Variants in ADAMTS17 observed in about 807,000 individuals in gnomAD.
ADAMTS17 encodes the protein ADAM metallopeptidase with thrombospondin type 1 motif 17.
In ADAMTS17, 113 loss-of-function variants were observed where a neutral mutation model predicts 141.5. The observed-to-expected ratio is 0.80, with a 90% CI of 0.69 to 0.93. ADAMTS17 has a LOEUF of 0.93. ADAMTS17 is among the 40% of genes least tolerant of loss of function. The pLI is 0.00. For missense variants in ADAMTS17, 1,659 were observed against 1,517.9 expected (o/e 1.09, Z -1.54); for synonymous variants, 768 against 630.6 (o/e 1.22, Z -3.27).
At chr15:100,088,981 T>G (rs1481534089) in intron 15 of ADAMTS17, among the ~76,000 whole-genome samples, 15 of 151,266 alleles carry the variant, frequency 9.9e-5, no homozygotes, top group Admixed American at 8.6e-4. Context: ...AAGCCAAAAT[T>G]GACAAATGGG....
At chr15:100,059,702 A>G in intron 15 of ADAMTS17, among the ~76,000 whole-genome samples, 1 of 152,126 alleles carries the variant, frequency 6.6e-6, no homozygotes, top group South Asian at 2.1e-4. Context: ...AAATCCAGAG[A>G]GACAATGCAG....
intron 7 of ADAMTS17, among the ~76,000 whole-genome samples, chr15:100,247,858 C>T (rs549856410): frequency 1.4e-4 from 22 of 152,144 alleles, no homozygotes; most frequent in Non-Finnish European, 2.9e-4. Context: ...TGTTCCCAAA[C>T]ACCACCGTCC....
At chr15:100,031,323 T>G (rs2030143472) in intron 18 of ADAMTS17, among the ~76,000 whole-genome samples, 1 of 152,212 alleles carries the variant, frequency 6.6e-6, no homozygotes, top group Non-Finnish European at 1.5e-5. Context: ...GCTTCCAACT[T>G]TAAACAAATC....
intron 2 of ADAMTS17, 106 bp downstream of exon 2, chr15:100,340,933 T>G (rs960333735): frequency 1.4e-6 from 2 of 1,470,570 alleles, no homozygotes; most frequent in Non-Finnish European, 1.8e-6. Context: ...CCGGTTCCCC[T>G]GGAGGCTGGA....
chr15:100,066,265 T>C (rs1355360267), intron 15 of ADAMTS17, among the ~76,000 whole-genome samples: 2 of 151,728 alleles, frequency 1.3e-5, no homozygotes, highest in Non-Finnish European at 2.9e-5. Context: ...AATAAAATGT[T>C]TTTGTGCATC....
intron 13 of ADAMTS17, among the ~76,000 whole-genome samples, chr15:100,115,652 C>T (rs2141140129): frequency 6.6e-6 from 1 of 152,316 alleles, no homozygotes; most frequent in South Asian, 2.1e-4. Flanking sequence ...CACAGCTACG[C>T]ACACCTGAAC....
intron 8 of ADAMTS17, among the ~76,000 whole-genome samples, chr15:100,196,498 G>C (rs1470630630): frequency 2.0e-5 from 3 of 152,244 alleles, no homozygotes; most frequent in Non-Finnish European, 4.4e-5. Flanking sequence ...ACGCACATTA[G>C]GTAACGAACA....
At chr15:100,175,443 C>T (rs1467066065) in intron 8 of ADAMTS17, among the ~76,000 whole-genome samples, 1 of 152,158 alleles carries the variant, frequency 6.6e-6, no homozygotes, top group Non-Finnish European at 1.5e-5. Context: ...CTACAAACGT[C>T]GTATGCCCCC....
Position 100,068,772 on chromosome 15 carries a change from C to G in ADAMTS17, c.2138-14718G>C, listed in dbSNP as rs574237530. 3.2e-4 allele frequency among the ~76,000 whole-genome samples: 48 copies of G among 152,220 alleles called. No homozygotes were observed. The South Asian group carries it at 9.6e-3, about 30-fold the overall frequency. ...TCTGTATGTCACCATCATCAAAGAC[C>G]AAAGGTAGATAAAACCACAAACATG... On this transcript the variant is annotated intron_variant, in intron 15 of 21. Transcript: ENST00000268070.
At chr15:100,257,555 G>A (rs2043368718) in intron 6 of ADAMTS17, among the ~76,000 whole-genome samples, 1 of 152,194 alleles carries the variant, frequency 6.6e-6, no homozygotes, top group Non-Finnish European at 1.5e-5. Flanking sequence ...ACAGCTAATA[G>A]CTATGCAAGA....
intron 15 of ADAMTS17, among the ~76,000 whole-genome samples, chr15:100,073,320 G>A (rs556769044): frequency 7.2e-5 from 11 of 152,350 alleles, no homozygotes; most frequent in African/African-American, 2.6e-4. Flanking sequence ...TGGTAGGACT[G>A]TAAACTAGTT....
rs140913683 is a variant in ADAMTS17, at chr15:100,301,323, T to TTATATATATATA, written c.617-19934_617-19923dup. On this transcript the variant is annotated intron_variant, in intron 3 of 21. Coordinates refer to ENST00000268070, the MANE Select transcript of ADAMTS17 (RefSeq NM_139057.4). The stretch of plus-strand genomic sequence containing the variant: ...TTCTCTCTCTACTGTTCTATGTGAG[T>TTATATATATATA]TATATATATATATATATTTTTCTGA... Among the ~76,000 whole-genome samples, 24 of 145,924 alleles carry TTATATATATATA rather than the reference T, an allele frequency of 1.6e-4. No homozygotes were observed. The East Asian group carries it at 3.6e-3, about 22-fold the overall frequency.
chr15:100,323,970 T>C (rs537332854), intron 3 of ADAMTS17, among the ~76,000 whole-genome samples: 1 of 149,884 alleles, frequency 6.7e-6, no homozygotes, highest in South Asian at 2.1e-4. Context: ...AGAGCCATGA[T>C]AGTGGGTGGA....
chr15:100,018,498 C>T (rs1194912891), intron 18 of ADAMTS17, among the ~76,000 whole-genome samples: 1 of 152,120 alleles, frequency 6.6e-6, no homozygotes, highest in Non-Finnish European at 1.5e-5. Flanking sequence ...TGAGTAAGTT[C>T]TCAGGAGATC....
chr15:100,233,430 C>G, intron 7 of ADAMTS17, among the ~76,000 whole-genome samples: 1 of 152,078 alleles, frequency 6.6e-6, no homozygotes, highest in Non-Finnish European at 1.5e-5. Flanking sequence ...CTGGAAATTC[C>G]CTAGCACTGT....
chr15:100,065,367 G>C (rs999743590), intron 15 of ADAMTS17, among the ~76,000 whole-genome samples: 7 of 152,124 alleles, frequency 4.6e-5, no homozygotes, highest in Admixed American at 1.3e-4. Flanking sequence ...AAAGGATCAA[G>C]CAAAAAGTAT....
intron 18 of ADAMTS17, among the ~76,000 whole-genome samples, chr15:100,035,993 T>C (rs962003302): frequency 1.3e-4 from 20 of 152,018 alleles, no homozygotes; most frequent in Admixed American, 6.5e-4. Flanking sequence ...ACAGAGAACA[T>C]GGGGAAAGAA....
intron 11 of ADAMTS17, 100 bp downstream of exon 11, chr15:100,133,113 AG>A: frequency 8.5e-7 from 1 of 1,175,602 alleles, no homozygotes; most frequent in South Asian, 1.4e-5. Flanking sequence ...GGGATGTTTC[AG>A]GGGCTCCTAA....
chr15:100,141,520 T>A (rs531668601), intron 10 of ADAMTS17, among the ~76,000 whole-genome samples: 1 of 152,246 alleles, frequency 6.6e-6, no homozygotes, highest in East Asian at 1.9e-4. Flanking sequence ...AAGTGACTCA[T>A]CCAAATTTTC....
Sources: gnomAD v4.1 joint callset for allele counts (sites outside exome capture counted in the v4.1 genomes callset) on GRCh38, gnomAD v4.1.1 for gene constraint, MANE v1.5 for transcripts, NCBI Gene and HGNC (gene_info 2026-07-23, HGNC 2026-07-21) for gene names.